PRELID2: variants seen among roughly 807,000 people sequenced by gnomAD.
PRELID2 encodes the protein PRELI domain containing 2, also known as PRELI domain-containing protein 2.
Under a neutral mutation model 28.4 loss-of-function variants are expected in PRELID2, and 25 were observed. The ratio of observed to expected loss-of-function variants is 0.88; its 90% CI spans 0.64 to 1.23. The LOEUF (loss-of-function observed/expected upper bound fraction) is 1.23, where lower values mean the gene tolerates loss of function less well. Ranked by LOEUF, PRELID2 falls within the 50% of genes most tolerant of loss-of-function variation. PRELID2 has a pLI of 0.00. For missense variants in PRELID2, 201 were observed against 214.4 expected, an observed-to-expected ratio of 0.94 and a Z score of 0.39; for synonymous variants, 76 against 71.6, an observed-to-expected ratio of 1.06 and a Z score of -0.31.
At position 145,655,690 on chromosome 5, in the gene PRELID2, A is replaced by T. The variant is rs143080109; in HGVS notation, n.70+109241T>A. On this transcript the variant is annotated intron_variant and non_coding_transcript_variant, in intron 1 of 2. Coordinates refer to the PRELID2 transcript ENST00000510259. ...AATAAATGGTGCTGGGAAAACTGGC[A>T]AGCCATATGTAGAAAGCTGATGCTA... Among the ~76,000 whole-genome samples, 215 of 152,256 alleles carry T rather than the reference A, an allele frequency of 1.4e-3. 2 individuals carry two copies. Among genetic ancestry groups the T allele is most frequent in the African/African-American group, 4.7e-3 (196 of 41,574 alleles).
intron 1 of PRELID2, among the ~76,000 whole-genome samples, chr5:145,588,305 T>C (rs1753180797): frequency 6.6e-6 from 1 of 152,156 alleles, no homozygotes; most frequent in Non-Finnish European, 1.5e-5. Flanking sequence ...CTGTTCACGT[T>C]GCCCTAATTC....
the PRELID2 span, among the ~76,000 whole-genome samples, chr5:145,380,682 T>G: frequency 6.6e-6 from 1 of 152,216 alleles, no homozygotes; most frequent in African/African-American, 2.4e-5. Context: ...CATCCAGTTT[T>G]TACAGTAGAG....
At chr5:145,390,701 C>T in the PRELID2 span, among the ~76,000 whole-genome samples, 1 of 152,150 alleles carries the variant, frequency 6.6e-6, no homozygotes, top group Admixed American at 6.5e-5. Flanking sequence ...TTCTAACAAG[C>T]TCCCAAAGTC....
At chr5:145,419,052 C>T in the PRELID2 span, among the ~76,000 whole-genome samples, 1 of 150,816 alleles carries the variant, frequency 6.6e-6, no homozygotes, top group Non-Finnish European at 1.5e-5. Flanking sequence ...CTACAAAGGA[C>T]ATGAACTCAT....
chr5:145,259,703 A>T, the PRELID2 span, among the ~76,000 whole-genome samples: 1 of 152,162 alleles, frequency 6.6e-6, no homozygotes. Flanking sequence ...TTACAGGCTC[A>T]TAGGCAGAAG....
At chr5:145,509,590 A>G (rs1752443500) in intron 1 of PRELID2, among the ~76,000 whole-genome samples, 1 of 152,226 alleles carries the variant, frequency 6.6e-6, no homozygotes. Context: ...TGCCAGAACC[A>G]TAAGTAATAA....
chr5:145,345,290 A>G, the PRELID2 span, among the ~76,000 whole-genome samples: 2 of 151,864 alleles, frequency 1.3e-5, no homozygotes, highest in Non-Finnish European at 2.9e-5. Flanking sequence ...TTCAAGCTCA[A>G]GAAAGTAGAT....
At chr5:145,804,787 A>G (rs763458367) in intron 4 of PRELID2, among the ~76,000 whole-genome samples, 4 of 152,196 alleles carry the variant, frequency 2.6e-5, no homozygotes, top group African/African-American at 9.6e-5. Context: ...ATTACCTAGA[A>G]AAGTGTCTAT....
chr5:145,430,651 C>A, the PRELID2 span, among the ~76,000 whole-genome samples: 1 of 152,130 alleles, frequency 6.6e-6, no homozygotes, highest in South Asian at 2.1e-4. Flanking sequence ...TTCTTTATGC[C>A]TGTATACCTT....
At chr5:145,455,804 C>T in the PRELID2 span, among the ~76,000 whole-genome samples, 26 of 152,278 alleles carry the variant, frequency 1.7e-4, no homozygotes, top group African/African-American at 6.0e-4. Context: ...AGCTCCCTGA[C>T]CCCTTGCACT....
At chr5:145,623,453 A>AAAAT (rs1354004684) in intron 1 of PRELID2, among the ~76,000 whole-genome samples, 5 of 150,266 alleles carry the variant, frequency 3.3e-5, no homozygotes, top group African/African-American at 1.2e-4. Flanking sequence ...TTCTCAAAAA[A>AAAAT]AAATAAATAA....
chr5:145,242,759 G>T, the PRELID2 span, among the ~76,000 whole-genome samples: 1 of 152,042 alleles, frequency 6.6e-6, no homozygotes, highest in East Asian at 1.9e-4. Context: ...GATAATTCCA[G>T]TGCAAATGCC....
intron 2 of PRELID2, 74 bp from the exon 3 acceptor site, chr5:145,820,092 G>T: frequency 1.1e-6 from 1 of 885,294 alleles, no homozygotes; most frequent in African/African-American, 1.9e-5. Flanking sequence ...TAAATCTTGC[G>T]GGGGTGGGGT....
chr5:145,610,714 T>C lies in PRELID2; in HGVS notation n.71-137399A>G, dbSNP rs367926152. 3.7e-4 allele frequency among the ~76,000 whole-genome samples: 57 copies of C among 152,232 alleles called. No homozygotes were observed. The East Asian group carries it at 9.3e-3, about 25-fold the overall frequency. ...AGTGGCAGGTGTAGAAAAACAACTG[T>C]AACATCTATTCAGCCTCTAAGACAA... On this transcript the variant is annotated intron_variant and non_coding_transcript_variant, in intron 1 of 2. Transcript: ENST00000510259.
At chr5:145,463,505 T>C in the PRELID2 span, among the ~76,000 whole-genome samples, 2 of 152,178 alleles carry the variant, frequency 1.3e-5, no homozygotes, top group African/African-American at 4.8e-5. Context: ...ACTTTGTAAT[T>C]AATTTGCATT....
chr5:145,555,736 G>T (rs1293149462), intron 1 of PRELID2, among the ~76,000 whole-genome samples: 5 of 152,246 alleles, frequency 3.3e-5, no homozygotes, highest in East Asian at 1.9e-4. Flanking sequence ...GAGCCAGCAG[G>T]AGTATCAAAT....
chr5:145,265,792 C>T, the PRELID2 span, among the ~76,000 whole-genome samples: 1 of 150,538 alleles, frequency 6.6e-6, no homozygotes, highest in African/African-American at 2.4e-5. Context: ...TCATCTCTCA[C>T]ATTATACAAA....
Position 145,600,165 on chromosome 5 carries a change from A to G in PRELID2, n.71-126850T>C, listed in dbSNP as rs942466645. ...AAAAGCTAACAAAGTTAACATTTTTATTCAATAATTCTTATTTTTATCATG... is the reference window on the plus strand; with the variant it reads ...AAAAGCTAACAAAGTTAACATTTTTGTTCAATAATTCTTATTTTTATCATG... On this transcript the variant is annotated intron_variant and non_coding_transcript_variant, in intron 1 of 2. Transcript: ENST00000510259. Among the ~76,000 whole-genome samples the G allele has an allele frequency of 2.0e-4, 29 of 145,944 alleles. 1 individual carries two copies. The highest frequency in any genetic ancestry group is 3.4e-3 in the Middle Eastern group (1 of 290).
At chr5:145,677,137 T>C (rs1207054010) in intron 1 of PRELID2, among the ~76,000 whole-genome samples, 2 of 150,990 alleles carry the variant, frequency 1.3e-5, no homozygotes, top group African/African-American at 4.9e-5. Context: ...TTTATGTTTT[T>C]GTTTTTTGGT....
Sources: gnomAD v4.1 joint callset for allele counts (sites outside exome capture counted in the v4.1 genomes callset) on GRCh38, gnomAD v4.1.1 for gene constraint, MANE v1.5 for transcripts, NCBI Gene and HGNC (gene_info 2026-07-23, HGNC 2026-07-21) for gene names.